CBR4: variants seen among roughly 807,000 people sequenced by gnomAD.
CBR4 encodes 3-oxoacyl-[acyl-carrier-protein] reductase.
In CBR4, 22 loss-of-function variants were observed where a neutral mutation model predicts 21.0. The ratio of observed to expected loss-of-function variants is 1.05; its 90% CI spans 0.75 to 1.50. The LOEUF is 1.50. Ranked by LOEUF, CBR4 falls within the 40% of genes most tolerant of loss-of-function variation. CBR4 has a pLI of 0.00. For missense variants in CBR4, 302 were observed against 286.3 expected, an observed-to-expected ratio of 1.05 and a Z score of -0.40; for synonymous variants, 100 against 104.4, an observed-to-expected ratio of 0.96 and a Z score of 0.26.
At chr4:168,894,536 AT>A in intron 3 of CBR4, 3 of 1,310,298 alleles carry the variant, frequency 2.3e-6, no homozygotes, top group East Asian at 2.4e-5. Context: ...CATATTTGTG[AT>A]TTTTTTCTAA....
At chr4:168,966,990 G>A (rs953583773) in intron 2 of CBR4, among the ~76,000 whole-genome samples, 1 of 145,670 alleles carries the variant, frequency 6.9e-6, no homozygotes, top group Non-Finnish European at 1.5e-5. Flanking sequence ...ACTCCAGCCT[G>A]GGCAATGGAG....
At chr4:169,004,957 C>T (rs1288169564) in intron 3 of CBR4, among the ~76,000 whole-genome samples, 1 of 152,068 alleles carries the variant, frequency 6.6e-6, no homozygotes, top group Non-Finnish European at 1.5e-5. Context: ...CTGACCTGTA[C>T]TTATGATACA....
chr4:168,970,048 T>C (rs752191218), intron 2 of CBR4, among the ~76,000 whole-genome samples: 16 of 152,236 alleles, frequency 1.1e-4, no homozygotes, highest in Non-Finnish European at 2.2e-4. Flanking sequence ...TCCTCTTCTA[T>C]GAAACGCCTG....
At chr4:168,899,911 C>A (rs1294814449) in intron 2 of CBR4, among the ~76,000 whole-genome samples, 1 of 150,796 alleles carries the variant, frequency 6.6e-6, no homozygotes, top group Non-Finnish European at 1.5e-5. Flanking sequence ...CAGTGAGACT[C>A]CGTCTCAAAA....
intron 2 of CBR4, among the ~76,000 whole-genome samples, chr4:168,937,720 C>T (rs1400953420): frequency 6.6e-6 from 1 of 150,724 alleles, no homozygotes; most frequent in Non-Finnish European, 1.5e-5. Flanking sequence ...CAAAGAACGG[C>T]ATTACATAAT....
chr4:168,949,000 T>A (rs1161898702), intron 2 of CBR4, among the ~76,000 whole-genome samples: 2 of 152,240 alleles, frequency 1.3e-5, no homozygotes, highest in Non-Finnish European at 2.9e-5. Context: ...TCCATGAGCA[T>A]GGGATGTATT....
At chr4:168,902,952 T>G (rs2151299639) in intron 2 of CBR4, among the ~76,000 whole-genome samples, 1 of 152,118 alleles carries the variant, frequency 6.6e-6, no homozygotes, top group South Asian at 2.1e-4. Context: ...TTTTATTTTT[T>G]GGGTCTTACT....
At chr4:168,954,702 C>T (rs1303632701) in intron 2 of CBR4, among the ~76,000 whole-genome samples, 1 of 152,138 alleles carries the variant, frequency 6.6e-6, no homozygotes, top group Non-Finnish European at 1.5e-5. Context: ...TGAAGATGTA[C>T]TCCACCAAAT....
At chr4:168,928,084 T>C (rs189801985) in intron 2 of CBR4, 1 of 196,122 alleles carries the variant, frequency 5.1e-6, no homozygotes, top group Non-Finnish European at 1.1e-5. Context: ...AAGTGATTAA[T>C]AGGCTTGAGC....
intron 1 of CBR4, 87 bp downstream of exon 1, chr4:169,009,861 G>C (rs547136001): frequency 7.6e-7 from 1 of 1,316,526 alleles, no homozygotes; most frequent in South Asian, 1.4e-5. Context: ...AGCCCTAAAG[G>C]CCAGACCCGC....
rs1425292035 is a variant in CBR4, at chr4:169,007,800, T to A, written c.143-44A>T. ...TAAGAATTACTTATAACTCAAATTT[T>A]AAATTTACTCAATACACATTTGTTA... On this transcript the variant is annotated intron_variant, in intron 1 of 4. Coordinates refer to ENST00000306193, the MANE Select transcript of CBR4 (RefSeq NM_032783.5). The A allele has an allele frequency of 5.6e-6, 8 of 1,416,062 alleles. No individual in the cohort carries two copies. The African/African-American group carries it at 7.2e-5, about 13-fold the overall frequency. The allele number at this position is 1,416,062 out of a possible 1,614,324, so 87.7% of individuals were successfully genotyped here.
At chr4:168,970,849 T>C (rs545514026) in intron 2 of CBR4, among the ~76,000 whole-genome samples, 230 of 152,040 alleles carry the variant, frequency 1.5e-3, no homozygotes, top group Middle Eastern at 3.4e-3. Flanking sequence ...TATATATATA[T>C]ACCACATTTT....
chr4:168,987,505 CAA>C (rs1764729277), downstream of CBR4: 1 of 322,154 alleles, frequency 3.1e-6, no homozygotes, highest in African/African-American at 2.3e-5. Flanking sequence ...TCTCTTCCCT[CAA>C]AAGTTTTACA....
chr4:168,989,713 T>A lies in CBR4; in HGVS notation c.*437A>T. The A allele has an allele frequency of 1.0e-6, 1 of 980,760 alleles. No individual in the cohort carries two copies. Among genetic ancestry groups the A allele is most frequent in the Non-Finnish European group, 1.2e-6 (1 of 825,576 alleles). 60.8% of individuals were successfully genotyped at this position (980,760 alleles called of 1,614,324 possible). A position where few individuals can be genotyped will look rare whatever the true frequency, so the allele number is the denominator to read the frequency against. ...ATTTTTCCACTTTTGAGACAAAATA[T>A]ATAAATCAATACTTGTTTATATGAC... On this transcript the variant is annotated 3_prime_UTR_variant, in exon 5 of 5. Transcript: ENST00000306193.
intron 2 of CBR4, among the ~76,000 whole-genome samples, chr4:168,923,488 C>G (rs927742503): frequency 1.1e-4 from 16 of 152,014 alleles, no homozygotes; most frequent in African/African-American, 3.9e-4. Flanking sequence ...TCCACCACTA[C>G]TACAACTGAT....
chr4:168,901,270 T>C (rs1389164487), intron 2 of CBR4, among the ~76,000 whole-genome samples: 1 of 152,228 alleles, frequency 6.6e-6, no homozygotes, highest in Non-Finnish European at 1.5e-5. Context: ...GGCTTATGTT[T>C]TAAAAATATT....
chr4:168,976,099 G>A (rs1764363294), intron 2 of CBR4, among the ~76,000 whole-genome samples: 1 of 152,186 alleles, frequency 6.6e-6, no homozygotes, highest in Admixed American at 6.5e-5. Context: ...GCTCATATAT[G>A]CACTTCCCAT....
chr4:168,984,544 T>C (rs941509005), downstream of CBR4, among the ~76,000 whole-genome samples: 1 of 152,004 alleles, frequency 6.6e-6, no homozygotes, highest in African/African-American at 2.4e-5. Flanking sequence ...TTAACATAAT[T>C]ACAAAAAACC....
At chr4:168,982,993 T>A (rs187737506), downstream of CBR4, among the ~76,000 whole-genome samples, 4 of 152,100 alleles carry the variant, frequency 2.6e-5, no homozygotes, top group African/African-American at 9.6e-5. Flanking sequence ...ATTAACAACC[T>A]AACATCACAC....
Sources: allele counts gnomAD v4.1 joint callset (sites outside exome capture counted in the v4.1 genomes callset), GRCh38; gene constraint gnomAD v4.1.1; transcripts MANE v1.5; gene names NCBI Gene and HGNC (gene_info 2026-07-23, HGNC 2026-07-21).